CHFR: variants seen among roughly 807,000 people sequenced by gnomAD.
The protein encoded by CHFR is E3 ubiquitin-protein ligase CHFR.
CHFR carries 57 observed loss-of-function variants against 87.6 expected under a neutral mutation model. That is an observed-to-expected ratio of 0.65 (90% CI 0.53 to 0.81). The LOEUF (loss-of-function observed/expected upper bound fraction) is 0.81, where lower values mean the gene tolerates loss of function less well. Among genes scored for constraint, CHFR ranks in the 30% least tolerant of loss-of-function variants. The pLI, the probability that CHFR is intolerant of heterozygous loss-of-function variation, is 0.00. For synonymous variants in CHFR, 381 were observed against 359.2 expected, an observed-to-expected ratio of 1.06 and a Z score of -0.69; for missense variants, 797 against 865.8, an observed-to-expected ratio of 0.92 and a Z score of 1.00.
chr12:132,872,412 C>A lies in CHFR; in HGVS notation c.234-18G>T, dbSNP rs1280511919. 2 of 1,565,132 alleles carry A rather than the reference C, an allele frequency of 1.3e-6. No homozygotes were observed. Among genetic ancestry groups the A allele is most frequent in the Non-Finnish European group, 1.8e-6 (2 of 1,136,816 alleles). ...CACTGGTGCTGTAAAAAAACAAAAA[C>A]ACAATTTATTCTACTTAAAATAACT... On this transcript the variant is annotated intron_variant, in intron 3 of 17. Transcript: ENST00000450056.
At chr12:132,847,514 C>G (rs1460101145) in intron 14 of CHFR, 9 of 1,085,438 alleles carry the variant, frequency 8.3e-6, no homozygotes, top group Non-Finnish European at 1.0e-5. Context: ...CAAACACACA[C>G]GAGCTGTTGA....
At chr12:132,880,333 AAATAAT>A (rs577820910) in intron 2 of CHFR, among the ~76,000 whole-genome samples, 11 of 152,178 alleles carry the variant, frequency 7.2e-5, no homozygotes, top group Non-Finnish European at 1.2e-4. Flanking sequence ...AACCAGGAAA[AAATAAT>A]AATAATAAGC....
intron 17 of CHFR, 125 bp from the exon 18 acceptor site, chr12:132,841,721 A>C: frequency 2.5e-6 from 2 of 801,116 alleles, no homozygotes; most frequent in Non-Finnish European, 4.4e-6. Context: ...AGAAAGAGCT[A>C]CCTGAGAAAG....
Position 132,872,544 on chromosome 12 carries a change from C to T in CHFR, c.234-150G>A, listed in dbSNP as rs1322559541. 4.1e-5 allele frequency: 25 copies of T among 603,728 alleles called. No homozygotes were observed. In the East Asian group the frequency reaches 4.8e-4, roughly 12 times the overall value. 37.4% of individuals were successfully genotyped at this position (603,728 alleles called of 1,614,324 possible). On this transcript the variant is annotated intron_variant, in intron 3 of 17. Coordinates refer to ENST00000450056, the MANE Select transcript of CHFR (RefSeq NM_001161346.2). The stretch of plus-strand genomic sequence containing the variant: ...AAATACGTAACGATGCACACATCCA[C>T]GCACCCCTCACCATTCTCTCAAGAA...
intron 15 of CHFR, among the ~76,000 whole-genome samples, chr12:132,845,995 A>C (rs1038399089): frequency 3.3e-5 from 5 of 152,172 alleles, no homozygotes; most frequent in African/African-American, 9.7e-5. Context: ...AGGGCTGTAG[A>C]AGCTCAGGGG....
At chr12:132,871,915 T>C (rs866282890) in intron 4 of CHFR, 11 of 207,284 alleles carry the variant, frequency 5.3e-5, no homozygotes, top group Admixed American at 2.2e-4. Flanking sequence ...TGATGTTTCT[T>C]GTAAGGTCTC....
At position 132,877,642 on chromosome 12, in the gene CHFR, G is replaced by C; in HGVS notation, c.146C>G (p.Ser49Cys). ...AGAGACCAGTTTATTGCTGGGGAAG[G>C]AAAGGTCGCAACCTAAAAAAGAGAG... Reference protein sequence around the residue: ...TIGRRRGCDLSFPSNKLVSGD... With the variant: ...TIGRRRGCDLCFPSNKLVSGD... The change falls in exon 3 of 18, where the codon TCC becomes TGC. Residue 49 changes from serine (S) to cysteine (C), a missense_variant. By Grantham distance (112) the Ser-to-Cys change is moderately radical. Transcript: ENST00000450056. 1.9e-6 allele frequency: 3 copies of C among 1,612,698 alleles called. No homozygotes were observed. In the South Asian group the frequency reaches 3.3e-5, roughly 18 times the overall value.
At chr12:132,870,645 G>T in intron 5 of CHFR, 79 bp downstream of exon 5, 2 of 1,025,840 alleles carry the variant, frequency 1.9e-6, no homozygotes, top group Non-Finnish European at 3.0e-6. Context: ...GGGTAACAGA[G>T]CGAGACTCCA....
At chr12:132,885,735 C>T (rs1012696223) in intron 2 of CHFR, among the ~76,000 whole-genome samples, 1 of 152,132 alleles carries the variant, frequency 6.6e-6, no homozygotes, top group Non-Finnish European at 1.5e-5. Flanking sequence ...CTCATTAACT[C>T]CTCAGAGCAA....
chr12:132,870,486 G>A (rs555665085), intron 5 of CHFR, among the ~76,000 whole-genome samples: 2 of 149,826 alleles, frequency 1.3e-5, no homozygotes, highest in South Asian at 2.1e-4. Flanking sequence ...AGCCGAGATC[G>A]CGCCACTGCA....
intron 7 of CHFR, among the ~76,000 whole-genome samples, 199 bp from the exon 8 acceptor site, chr12:132,859,426 C>A (rs556929071): frequency 6.6e-6 from 1 of 152,234 alleles, no homozygotes; most frequent in Admixed American, 6.5e-5. Context: ...TCTCGGCTCA[C>A]TGCAAGCTCC....
intron 4 of CHFR, 45 bp downstream of exon 4, chr12:132,872,240 C>T (rs1435509249): frequency 7.9e-6 from 10 of 1,260,448 alleles, no homozygotes; most frequent in Non-Finnish European, 1.2e-5. Context: ...CCCTCACGTG[C>T]ACCCCCGTGC....
Position 132,835,401 on chromosome 12 carries a change from G to C in CHFR, c.*6153C>G, listed in dbSNP as rs4758908. On this transcript the variant is annotated 3_prime_UTR_variant, in exon 18 of 18. Transcript: ENST00000450056. ...AGACATGGAACACGTCATGAATTTG[G>C]GTGTCATGCCTGCACGTGGGCCATG... The C allele has an allele frequency of 0.97, 147,251 of 152,528 alleles. 71,306 individuals carry two copies. Among genetic ancestry groups the C allele is most frequent in the East Asian group, 1 (5,192 of 5,192 alleles). 9.4% of individuals were successfully genotyped at this position (152,528 alleles called of 1,614,324 possible). A position where few individuals can be genotyped will look rare whatever the true frequency, so the allele number is the denominator to read the frequency against.
At chr12:132,876,633 C>T (rs1450437764) in intron 3 of CHFR, among the ~76,000 whole-genome samples, 5 of 152,100 alleles carry the variant, frequency 3.3e-5, no homozygotes, top group African/African-American at 1.2e-4. Context: ...AAATTACCAG[C>T]ATCTTTTAAG....
chr12:132,844,743 G>A (rs1429152073), intron 15 of CHFR, among the ~76,000 whole-genome samples: 3 of 152,094 alleles, frequency 2.0e-5, no homozygotes, highest in Non-Finnish European at 4.4e-5. Context: ...TGATTCTCCT[G>A]TCTCAGCCTC....
intron 3 of CHFR, among the ~76,000 whole-genome samples, chr12:132,872,935 A>G (rs1008942460): frequency 1.3e-5 from 2 of 152,176 alleles, no homozygotes; most frequent in African/African-American, 2.4e-5. Context: ...TACTCTGCCC[A>G]GGGAGAGGCC....
intron 4 of CHFR, among the ~76,000 whole-genome samples, chr12:132,871,517 A>G (rs1317043811): frequency 6.6e-6 from 1 of 151,974 alleles, no homozygotes. Flanking sequence ...CATGCCTGTA[A>G]TCCCAGCACT....
At chr12:132,868,489 G>A (rs1211957783) in intron 6 of CHFR, among the ~76,000 whole-genome samples, 6 of 151,912 alleles carry the variant, frequency 3.9e-5, no homozygotes, top group Admixed American at 1.3e-4. Context: ...GTGACAGAGC[G>A]AGACTCCATC....
rs1950652235 is a variant in CHFR, at chr12:132,836,950, A to G, written c.*4604T>C. 2 of 366,652 alleles carry G rather than the reference A, an allele frequency of 5.5e-6. No individual in the cohort carries two copies. The allele number at this position is 366,652 out of a possible 1,614,324, so 22.7% of individuals were successfully genotyped here. A position where few individuals can be genotyped will look rare whatever the true frequency, so the allele number is the denominator to read the frequency against. The stretch of plus-strand genomic sequence containing the variant: ...TTTTTGAGAGGGGGAGACAAACGGT[A>G]AACAGATGTTTCCTTTCCGATAGTG... On this transcript the variant is annotated 3_prime_UTR_variant, in exon 18 of 18. Transcript: ENST00000450056.
Sources: gnomAD v4.1 joint callset for allele counts (sites outside exome capture counted in the v4.1 genomes callset) on GRCh38, gnomAD v4.1.1 for gene constraint, MANE v1.5 for transcripts, NCBI Gene and HGNC (gene_info 2026-07-23, HGNC 2026-07-21) for gene names.